The following PPP2R2D variants were observed in gnomAD, a reference collection of about 807,000 sequenced individuals.
PPP2R2D encodes serine/threonine-protein phosphatase 2A 55 kDa regulatory subunit B delta isoform.
Under a neutral mutation model 31.1 loss-of-function variants are expected in PPP2R2D, and 9 were observed. That is an observed-to-expected ratio of 0.29 (90% confidence interval 0.17 to 0.51). The LOEUF is 0.51. Ranked by LOEUF, PPP2R2D falls within the 20% of genes least tolerant of loss-of-function variation. The pLI, the probability that PPP2R2D is intolerant of heterozygous loss-of-function variation, is 0.98. For missense variants in PPP2R2D, 391 were observed against 465.6 expected (o/e 0.84, Z 1.48); for synonymous variants, 179 against 172.6 (o/e 1.04, Z -0.29).
At chr10:131,905,907 C>G (rs2035574311) in intron 2 of PPP2R2D, among the ~76,000 whole-genome samples, 1 of 152,308 alleles carries the variant, frequency 6.6e-6, no homozygotes, top group Non-Finnish European at 1.5e-5. Context: ...AATCTTACTA[C>G]CAAGAGGCGT....
intron 2 of PPP2R2D, among the ~76,000 whole-genome samples, chr10:131,902,721 C>T (rs2119689635): frequency 6.6e-6 from 1 of 152,286 alleles, no homozygotes; most frequent in East Asian, 1.9e-4. Flanking sequence ...AGTGAGAGGG[C>T]TTAATGCTTG....
At chr10:131,964,664 A>ATTTTTTTTTTTT (rs782297365), downstream of PPP2R2D, among the ~76,000 whole-genome samples, 1 of 126,752 alleles carries the variant, frequency 7.9e-6, no homozygotes, top group Non-Finnish European at 1.6e-5. Context: ...AGAGTTTACT[A>ATTTTTTTTTTTT]TGTTTTTTTT....
At chr10:131,960,019 C>T (rs2036900774), downstream of PPP2R2D, among the ~76,000 whole-genome samples, 1 of 152,204 alleles carries the variant, frequency 6.6e-6, no homozygotes, top group Non-Finnish European at 1.5e-5. Flanking sequence ...CTGCGGCGCA[C>T]GTTCCCTGGA....
chr10:131,932,146 C>T (rs1316013315), intron 2 of PPP2R2D, among the ~76,000 whole-genome samples: 2 of 152,106 alleles, frequency 1.3e-5, no homozygotes, highest in South Asian at 2.1e-4. Flanking sequence ...GGACACTTTG[C>T]GGATTTGATG....
At chr10:131,952,141 GGGT>G (rs2036649302) in intron 8 of PPP2R2D, among the ~76,000 whole-genome samples, 1 of 130,700 alleles carries the variant, frequency 7.7e-6, no homozygotes, top group African/African-American at 3.0e-5. Context: ...GTGTGCGGGG[GGGT>G]TCACTGTCTT....
At chr10:131,961,006 G>T (rs1219538618), downstream of PPP2R2D, among the ~76,000 whole-genome samples, 3 of 152,204 alleles carry the variant, frequency 2.0e-5, no homozygotes, top group African/African-American at 7.2e-5. Context: ...TGTCGTTGCT[G>T]TGCTGGGATC....
At chr10:131,917,780 G>GAGTT (rs1554893456) in intron 2 of PPP2R2D, among the ~76,000 whole-genome samples, 1 of 103,416 alleles carries the variant, frequency 9.7e-6, no homozygotes, top group East Asian at 3.7e-4. Context: ...GAATGACACA[G>GAGTT]TGTAGGGACC....
chr10:131,916,632 G>A (rs1030452074), intron 2 of PPP2R2D, among the ~76,000 whole-genome samples: 14 of 150,848 alleles, frequency 9.3e-5, no homozygotes, highest in East Asian at 7.8e-4. Context: ...ATGACACAGC[G>A]TTTGTAGGGA....
At chr10:131,907,594 T>A (rs2035615418) in intron 2 of PPP2R2D, among the ~76,000 whole-genome samples, 1 of 151,860 alleles carries the variant, frequency 6.6e-6, no homozygotes, top group South Asian at 2.1e-4. Context: ...ATACAAAAAA[T>A]CAGCTGGGTG....
At chr10:131,963,095 G>A (rs936291346), downstream of PPP2R2D, among the ~76,000 whole-genome samples, 2 of 152,156 alleles carry the variant, frequency 1.3e-5, no homozygotes, top group Non-Finnish European at 2.9e-5. Flanking sequence ...AACCCAGGAG[G>A]CGGAGGTTGC....
chr10:131,903,012 A>G (rs1197010395), intron 2 of PPP2R2D, among the ~76,000 whole-genome samples: 1 of 152,062 alleles, frequency 6.6e-6, no homozygotes, highest in Non-Finnish European at 1.5e-5. Context: ...TCAGTCTCCC[A>G]AGGTGCTGAG....
At chr10:131,950,941 T>G (rs2036625447) in intron 8 of PPP2R2D, among the ~76,000 whole-genome samples, 2 of 152,134 alleles carry the variant, frequency 1.3e-5, no homozygotes, top group African/African-American at 2.4e-5. Context: ...TTCTTTATAT[T>G]GAAATTAAAA....
intron 2 of PPP2R2D, among the ~76,000 whole-genome samples, chr10:131,915,793 A>G (rs951676834): frequency 6.6e-6 from 1 of 152,234 alleles, no homozygotes; most frequent in East Asian, 1.9e-4. Context: ...TAACAGATAG[A>G]TGTTGTTAAA....
intron 2 of PPP2R2D, among the ~76,000 whole-genome samples, chr10:131,918,099 G>A (rs1323484004): frequency 1.4e-5 from 2 of 146,866 alleles, no homozygotes; most frequent in African/African-American, 5.1e-5. Flanking sequence ...TGTTTGTAGG[G>A]ACCTCAGGCG....
At chr10:131,961,685 C>A (rs368716063), downstream of PPP2R2D, among the ~76,000 whole-genome samples, 3 of 152,204 alleles carry the variant, frequency 2.0e-5, no homozygotes, top group African/African-American at 7.2e-5. Flanking sequence ...GAGGCGCTGC[C>A]GTCCTGGGCC....
Position 131,956,153 on chromosome 10 carries a change from C to T in PPP2R2D, c.*190C>T, listed in dbSNP as rs879989165. ...CCGCCTCGGCGAGGCGCGAGACAGG[C>T]GCTGCTGCTCACGTGGAGACGCTCT... On this transcript the variant is annotated 3_prime_UTR_variant, in exon 9 of 9. Transcript: ENST00000455566. 37 of 1,240,830 alleles carry T rather than the reference C, an allele frequency of 3.0e-5. No homozygotes were observed. In the South Asian group the frequency reaches 6.1e-4, roughly 21 times the overall value. 76.9% of individuals were successfully genotyped at this position (1,240,830 alleles called of 1,614,324 possible). A position where few individuals can be genotyped will look rare whatever the true frequency, so the allele number is the denominator to read the frequency against.
Position 131,943,992 on chromosome 10 carries a change from C to G in PPP2R2D, c.502C>G (p.Leu168Val), listed in dbSNP as rs781865494. ...GGTCCCAATATTGAAGCCCATGGAT[C>G]TTATGGTAGAAGCGAGTCCACGGCG... is the stretch of plus-strand genomic sequence containing the variant. ...LRVPILKPMD[L>V]MVEASPRRIF... The change falls in exon 6 of 9, where the codon CTT (leucine) becomes GTT (valine). Residue 168 changes from leucine (L) to valine (V), a missense_variant. This residue lies in a region of PPP2R2D where 105 missense variants were observed against 98.5 expected (regional missense o/e 1.07). Transcript: ENST00000455566. The G allele has an allele frequency of 5.7e-6, 6 of 1,061,218 alleles. No homozygotes were observed. Among genetic ancestry groups the G allele is most frequent in the Non-Finnish European group, 8.9e-6 (6 of 675,532 alleles). 65.7% of individuals were successfully genotyped at this position (1,061,218 alleles called of 1,614,324 possible). A position where few individuals can be genotyped will look rare whatever the true frequency, so the allele number is the denominator to read the frequency against.
chr10:131,950,440 G>A (rs185640536), intron 8 of PPP2R2D, among the ~76,000 whole-genome samples: 9 of 152,180 alleles, frequency 5.9e-5, no homozygotes, highest in East Asian at 5.8e-4. Flanking sequence ...AGCGGACACC[G>A]AGACTGAGAC....
rs2036699816 is a variant in PPP2R2D, at chr10:131,952,828, GTGGGGTTCACTGTCTTAGCAGTGACTTGC to G, written c.1083-2855_1083-2827del. Among the ~76,000 whole-genome samples, 5 of 84,088 alleles carry G rather than the reference GTGGGGTTCACTGTCTTAGCAGTGACTTGC, an allele frequency of 5.9e-5. 1 individual carries two copies. Among genetic ancestry groups the G allele is most frequent in the Non-Finnish European group, 9.5e-5 (4 of 42,048 alleles). 55.2% of individuals were successfully genotyped at this position (84,088 alleles called of 152,430 possible). Reference sequence around the variant, plus strand: ...TTAGCAGTGACTTGCGGGTGTGTGTGTGGGGTTCACTGTCTTAGCAGTGACTTGCGGGGGGGGTCCCTGTCTTATCAGTG... The same window carrying G: ...TTAGCAGTGACTTGCGGGTGTGTGTGGGGGGGGGTCCCTGTCTTATCAGTG... On this transcript the variant is annotated intron_variant, in intron 8 of 8. Coordinates refer to ENST00000455566, the MANE Select transcript of PPP2R2D (RefSeq NM_018461.5).
Sources: gnomAD v4.1 joint callset for allele counts (sites outside exome capture counted in the v4.1 genomes callset) on GRCh38, gnomAD v4.1.1 for gene constraint, gnomAD v4.1.1 regional missense constraint, MANE v1.5 for transcripts, NCBI Gene and HGNC (gene_info 2026-07-23, HGNC 2026-07-21) for gene names.